AGPS: variants seen among roughly 807,000 people sequenced by gnomAD.
The protein encoded by AGPS is alkylglycerone phosphate synthase.
Under a neutral mutation model 90.7 loss-of-function variants are expected in AGPS, and 26 were observed. The observed-to-expected ratio is 0.29, with a 90% CI of 0.21 to 0.40. The LOEUF is 0.40. Among genes scored for constraint, AGPS ranks in the 10% least tolerant of loss-of-function variants. The pLI is 1.00. For missense variants in AGPS, 540 were observed against 816.1 expected (o/e 0.66, Z 4.12); for synonymous variants, 294 against 285.3 (o/e 1.03, Z -0.31).
At chr2:177,463,886 TC>T (rs1457334028) in intron 9 of AGPS, among the ~76,000 whole-genome samples, 1 of 152,232 alleles carries the variant, frequency 6.6e-6, no homozygotes, top group Non-Finnish European at 1.5e-5. Flanking sequence ...TAAGTGTACA[TC>T]CTAGTGTAAT....
chr2:177,489,140 AGT>A (rs1688178392), intron 11 of AGPS, among the ~76,000 whole-genome samples: 1 of 146,686 alleles, frequency 6.8e-6, no homozygotes, highest in African/African-American at 2.5e-5. Context: ...GCTGGAGTGC[AGT>A]GGTGCGATCT....
chr2:177,425,148 G>T (rs1188360963), intron 2 of AGPS, among the ~76,000 whole-genome samples: 1 of 152,034 alleles, frequency 6.6e-6, no homozygotes. Flanking sequence ...TGAAATCTTT[G>T]CCCATGCCTA....
intron 1 of AGPS, among the ~76,000 whole-genome samples, chr2:177,395,262 T>G (rs1390553615): frequency 2.0e-5 from 3 of 152,200 alleles, no homozygotes; most frequent in African/African-American, 7.2e-5. Flanking sequence ...TAGTAACGTT[T>G]GTAAGGCACA....
chr2:177,538,226 A>G lies in AGPS; in HGVS notation c.*31A>G, dbSNP rs751739338. 5 of 1,544,958 alleles carry G rather than the reference A, an allele frequency of 3.2e-6. No individual in the cohort carries two copies. Among genetic ancestry groups the G allele is most frequent in the South Asian group, 2.3e-5 (2 of 87,970 alleles). On this transcript the variant is annotated 3_prime_UTR_variant, in exon 20 of 20. Coordinates refer to ENST00000264167, the MANE Select transcript of AGPS (RefSeq NM_003659.4). ...TTAGTACCATTACAAAAAAATGTCAATTTTTTTTTTAAGTTTTCAACTGTG... is the reference window on the plus strand; with the variant it reads ...TTAGTACCATTACAAAAAAATGTCAGTTTTTTTTTTAAGTTTTCAACTGTG...
rs143415430 is a variant in AGPS, at chr2:177,466,693, C to T, written c.997-1723C>T. On this transcript the variant is annotated intron_variant, in intron 9 of 19. Coordinates refer to ENST00000264167, the MANE Select transcript of AGPS (RefSeq NM_003659.4). ...GCACTGCCCTGAGCATGCGCACACC[C>T]GGCTGGGTTGCAACAGCACGCAGGC... is the stretch of plus-strand genomic sequence containing the variant. 2.6e-3 allele frequency among the ~76,000 whole-genome samples: 399 copies of T among 152,374 alleles called. 2 individuals are homozygous for T. The highest frequency in any genetic ancestry group is 9.1e-3 in the African/African-American group (380 of 41,602).
At chr2:177,487,180 T>A (rs1688120305) in intron 11 of AGPS, among the ~76,000 whole-genome samples, 1 of 152,178 alleles carries the variant, frequency 6.6e-6, no homozygotes, top group African/African-American at 2.4e-5. Context: ...AAGCAGTTTC[T>A]GAAGCTTGGG....
At position 177,426,364 on chromosome 2, in the gene AGPS, C is replaced by A. The variant is rs542796653; in HGVS notation, c.350+6006C>A. On this transcript the variant is annotated intron_variant, in intron 2 of 19. Coordinates refer to ENST00000264167, the MANE Select transcript of AGPS (RefSeq NM_003659.4). ...CAGAAACAGTTTGACTTCCTCTCTTCCTATTTGAATTTTCTTTATTTCTTT... is the reference window on the plus strand; with the variant it reads ...CAGAAACAGTTTGACTTCCTCTCTTACTATTTGAATTTTCTTTATTTCTTT... Among the ~76,000 whole-genome samples the A allele has an allele frequency of 1.7e-3, 256 of 152,270 alleles. 1 individual carries two copies. In the Middle Eastern group the frequency reaches 0.021, roughly 12 times the overall value.
intron 8 of AGPS, among the ~76,000 whole-genome samples, chr2:177,452,048 C>G (rs1405752001): frequency 6.6e-6 from 1 of 152,056 alleles, no homozygotes; most frequent in Non-Finnish European, 1.5e-5. Context: ...AGAAAACATA[C>G]TTTATATGAC....
intron 10 of AGPS, among the ~76,000 whole-genome samples, chr2:177,476,320 C>G (rs963253628): frequency 2.0e-4 from 30 of 151,976 alleles, no homozygotes; most frequent in African/African-American, 7.2e-4. Context: ...CACAATTTCT[C>G]TCTAGGTATT....
At chr2:177,418,138 A>C (rs1685840301) in intron 1 of AGPS, among the ~76,000 whole-genome samples, 1 of 152,138 alleles carries the variant, frequency 6.6e-6, no homozygotes, top group Non-Finnish European at 1.5e-5. Context: ...TCATAAGCCC[A>C]ATTTTATGAC....
chr2:177,425,545 C>G (rs577622821), intron 2 of AGPS, among the ~76,000 whole-genome samples: 1 of 140,702 alleles, frequency 7.1e-6, no homozygotes, highest in Non-Finnish European at 1.5e-5. Context: ...CGCTTGAACC[C>G]GGGAGGTGGA....
At chr2:177,436,138 A>AGTTTTTTTTT (rs1686401878) in intron 3 of AGPS, among the ~76,000 whole-genome samples, 1 of 38,478 alleles carries the variant, frequency 2.6e-5, no homozygotes, top group African/African-American at 8.0e-5. Flanking sequence ...AGAAATGCTG[A>AGTTTTTTTTT]ATTTTTTTTT....
intron 18 of AGPS, among the ~76,000 whole-genome samples, chr2:177,521,982 T>A (rs946328933): frequency 2.0e-5 from 3 of 152,234 alleles, no homozygotes; most frequent in African/African-American, 7.2e-5. Flanking sequence ...TCTACTGTTT[T>A]AACTGCATTG....
chr2:177,523,092 G>A (rs963947070), intron 18 of AGPS, among the ~76,000 whole-genome samples: 4 of 151,964 alleles, frequency 2.6e-5, no homozygotes, highest in Admixed American at 6.6e-5. Context: ...TTCACTCTTA[G>A]GTATCCATAA....
intron 1 of AGPS, among the ~76,000 whole-genome samples, chr2:177,393,866 G>A (rs1685094112): frequency 6.6e-6 from 1 of 151,962 alleles, no homozygotes; most frequent in African/African-American, 2.4e-5. Context: ...CTGACGTGTG[G>A]CTTTGTCACC....
chr2:177,440,075 A>T (rs920492846), intron 5 of AGPS, among the ~76,000 whole-genome samples: 8 of 152,068 alleles, frequency 5.3e-5, no homozygotes, highest in African/African-American at 1.9e-4. Flanking sequence ...TGCTAAAATT[A>T]GTAGGTGAAA....
At chr2:177,436,649 A>G (rs1277942685) in intron 3 of AGPS, 115 bp from the exon 4 acceptor site, 15 of 985,806 alleles carry the variant, frequency 1.5e-5, no homozygotes, top group Non-Finnish European at 1.3e-5. Context: ...CCTATGCTTC[A>G]GCCTTACTTT....
chr2:177,503,708 A>G (rs1222678787), intron 14 of AGPS, among the ~76,000 whole-genome samples: 1 of 152,222 alleles, frequency 6.6e-6, no homozygotes, highest in African/African-American at 2.4e-5. Flanking sequence ...TGGCTAGAAT[A>G]TTGACAGTTC....
intron 8 of AGPS, among the ~76,000 whole-genome samples, chr2:177,453,293 G>T: frequency 1.3e-5 from 2 of 149,832 alleles, no homozygotes. Context: ...CTTTGAGACA[G>T]AGAGTTTCAC....
Sources: allele counts gnomAD v4.1 joint callset (sites outside exome capture counted in the v4.1 genomes callset), GRCh38; gene constraint gnomAD v4.1.1; transcripts MANE v1.5; gene names NCBI Gene and HGNC (gene_info 2026-07-23, HGNC 2026-07-21).